VEZF1: variants seen among roughly 807,000 people sequenced by gnomAD.
VEZF1 encodes vascular endothelial zinc finger 1.
Under a neutral mutation model 44.1 loss-of-function variants are expected in VEZF1, and 5 were observed. That is an observed-to-expected ratio of 0.11 (90% CI 0.06 to 0.24). The LOEUF (loss-of-function observed/expected upper bound fraction) is 0.24. Ranked by LOEUF, VEZF1 falls within the 10% of genes least tolerant of loss-of-function variation. The pLI, the probability that VEZF1 is intolerant of heterozygous loss-of-function variation, is 1.00. For synonymous variants in VEZF1, 236 were observed against 233.1 expected, an observed-to-expected ratio of 1.01 and a Z score of -0.11; for missense variants, 358 against 641.8, an observed-to-expected ratio of 0.56 and a Z score of 4.78.
chr17:57,975,816 G>A (rs553653849), intron 5 of VEZF1, among the ~76,000 whole-genome samples: 1 of 152,050 alleles, frequency 6.6e-6, no homozygotes, highest in South Asian at 2.1e-4. Flanking sequence ...TTTTTTTTCT[G>A]AGACAGGGTC....
intron 1 of VEZF1, among the ~76,000 whole-genome samples, chr17:57,987,471 G>A (rs2075307633): frequency 6.6e-6 from 1 of 152,228 alleles, no homozygotes; most frequent in African/African-American, 2.4e-5. Context: ...GGGTAAACAC[G>A]AGAGGGGTGG....
chr17:57,986,817 G>A (rs1309331257), intron 1 of VEZF1, among the ~76,000 whole-genome samples: 1 of 152,150 alleles, frequency 6.6e-6, no homozygotes, highest in East Asian at 1.9e-4. Flanking sequence ...AGTTTCAAAA[G>A]GTATCAAGCG....
chr17:57,971,611 TAC>T lies in VEZF1; in HGVS notation c.*2860_*2861del, dbSNP rs2075136704. ...TCTGCAGTATTTTGCATGTTAGTAA[TAC>T]AGTGCTGGTATTGACAGGTAAAATC... is the stretch of plus-strand genomic sequence containing the variant. On this transcript the variant is annotated 3_prime_UTR_variant, in exon 6 of 6. Transcript: ENST00000581208. 6.6e-6 allele frequency: 1 copy of T among 152,592 alleles called. No individual in the cohort carries two copies. The highest frequency in any genetic ancestry group is 2.4e-5 in the African/African-American group (1 of 41,438). 9.5% of individuals were successfully genotyped at this position (152,592 alleles called of 1,614,324 possible). A position where few individuals can be genotyped will look rare whatever the true frequency, so the allele number is the denominator to read the frequency against.
chr17:57,986,319 TC>T (rs2075293222), intron 1 of VEZF1, among the ~76,000 whole-genome samples: 2 of 152,184 alleles, frequency 1.3e-5, no homozygotes, highest in African/African-American at 2.4e-5. Context: ...CTTTTTTTTT[TC>T]AATCTCTATA....
At chr17:57,979,893 C>A (rs1260266977) in intron 4 of VEZF1, among the ~76,000 whole-genome samples, 1 of 150,714 alleles carries the variant, frequency 6.6e-6, no homozygotes, top group African/African-American at 2.4e-5. Flanking sequence ...TCGCTTGAAC[C>A]CAGGAGGCGG....
At chr17:57,978,563 T>A (rs147724986) in intron 5 of VEZF1, among the ~76,000 whole-genome samples, 3 of 152,328 alleles carry the variant, frequency 2.0e-5, no homozygotes, top group South Asian at 4.1e-4. Flanking sequence ...TAAAATTTTT[T>A]AAACAATTAC....
At chr17:57,974,941 G>C (rs1387903818) in intron 5 of VEZF1, 41 bp from the exon 6 acceptor site, 2 of 1,557,868 alleles carry the variant, frequency 1.3e-6, no homozygotes, top group Non-Finnish European at 1.7e-6. Flanking sequence ...TCTCAAAACA[G>C]TGAGCAAAAT....
chr17:57,980,169 T>C (rs1474068030), intron 4 of VEZF1, among the ~76,000 whole-genome samples: 1 of 152,182 alleles, frequency 6.6e-6, no homozygotes, highest in Non-Finnish European at 1.5e-5. Context: ...ATGTTTCTAC[T>C]GCATAAAGTA....
At chr17:57,979,813 T>C (rs1178919689) in intron 4 of VEZF1, among the ~76,000 whole-genome samples, 1 of 151,094 alleles carries the variant, frequency 6.6e-6, no homozygotes, top group African/African-American at 2.4e-5. Flanking sequence ...ACAAAAAAAG[T>C]AGCAAAGGTA....
intron 4 of VEZF1, among the ~76,000 whole-genome samples, chr17:57,980,142 AT>A (rs1381285065): frequency 6.6e-6 from 1 of 152,080 alleles, no homozygotes; most frequent in Non-Finnish European, 1.5e-5. Flanking sequence ...GTGGCCACCT[AT>A]TTTTTTGAGA....
intron 1 of VEZF1, chr17:57,985,299 T>C: frequency 8.1e-7 from 1 of 1,231,664 alleles, no homozygotes; most frequent in Non-Finnish European, 1.0e-6. Flanking sequence ...AAAGTATTTT[T>C]ACAGCATTGC....
chr17:57,986,920 ACCT>A (rs1237878334), intron 1 of VEZF1, among the ~76,000 whole-genome samples: 2 of 152,160 alleles, frequency 1.3e-5, no homozygotes, highest in Non-Finnish European at 2.9e-5. Flanking sequence ...GAGCTTCCTA[ACCT>A]CCTCCAGTTC....
chr17:57,981,071 T>C (rs181891935), intron 3 of VEZF1, among the ~76,000 whole-genome samples: 3 of 152,302 alleles, frequency 2.0e-5, no homozygotes, highest in Admixed American at 2.0e-4. Flanking sequence ...ATTTACTAAA[T>C]GGTGTAATGT....
At chr17:57,978,874 G>A (rs762868413) in intron 5 of VEZF1, among the ~76,000 whole-genome samples, 23 of 152,152 alleles carry the variant, frequency 1.5e-4, no homozygotes, top group Non-Finnish European at 2.8e-4. Flanking sequence ...TCTGAGCATA[G>A]CAAAGGACCA....
chr17:57,976,430 C>A (rs918216652), intron 5 of VEZF1, among the ~76,000 whole-genome samples: 2 of 151,872 alleles, frequency 1.3e-5, no homozygotes, highest in African/African-American at 4.8e-5. Flanking sequence ...AAAAAAAACC[C>A]AACAAAACAA....
At chr17:57,982,309 C>A (rs1251966532) in intron 2 of VEZF1, among the ~76,000 whole-genome samples, 1 of 152,072 alleles carries the variant, frequency 6.6e-6, no homozygotes, top group Non-Finnish European at 1.5e-5. Context: ...AAAAAACATT[C>A]TAAAAGTTTA....
Position 57,971,631 on chromosome 17 carries a change from G to A in VEZF1, c.*2842C>T, listed in dbSNP as rs1272921035. The A allele has an allele frequency of 6.6e-6, 1 of 152,532 alleles. No homozygotes were observed. The highest frequency in any genetic ancestry group is 2.4e-5 in the African/African-American group (1 of 41,400). 9.4% of individuals were successfully genotyped at this position (152,532 alleles called of 1,614,324 possible). The stretch of plus-strand genomic sequence containing the variant: ...AGTAATACAGTGCTGGTATTGACAG[G>A]TAAAATCATCATCTGCTTACATAGA... On this transcript the variant is annotated 3_prime_UTR_variant, in exon 6 of 6. Transcript: ENST00000581208.
At chr17:57,984,794 A>G (rs1220314167) in intron 1 of VEZF1, among the ~76,000 whole-genome samples, 2 of 152,146 alleles carry the variant, frequency 1.3e-5, no homozygotes, top group East Asian at 3.8e-4. Context: ...GTCTCCCCCA[A>G]ACGATTAGGA....
chr17:57,985,301 C>T, intron 1 of VEZF1: 1 of 1,231,608 alleles, frequency 8.1e-7, no homozygotes, highest in Non-Finnish European at 1.0e-6. Flanking sequence ...AGTATTTTTA[C>T]AGCATTGCTG....
Sources: allele counts gnomAD v4.1 joint callset (sites outside exome capture counted in the v4.1 genomes callset), GRCh38; gene constraint gnomAD v4.1.1; transcripts MANE v1.5; gene names NCBI Gene and HGNC (gene_info 2026-07-23, HGNC 2026-07-21).